UGGT1: variants seen among roughly 807,000 people sequenced by gnomAD.
The protein encoded by UGGT1 is UDP-glucose:glycoprotein glucosyltransferase 1.
A neutral mutation model predicts 203.9 loss-of-function variants in UGGT1; 107 were observed. The ratio of observed to expected loss-of-function variants is 0.52; its 90% confidence interval spans 0.45 to 0.62. The LOEUF (loss-of-function observed/expected upper bound fraction) is 0.62, where lower values mean the gene tolerates loss of function less well. Ranked by LOEUF, UGGT1 falls within the 20% of genes least tolerant of loss-of-function variation. The probability of loss-of-function intolerance (pLI) is 0.00; values close to 1 mark genes in which losing one functional copy is unlikely to be tolerated. For synonymous variants in UGGT1, 628 were observed against 653.5 expected (o/e 0.96, Z 0.59); for missense variants, 1,673 against 1,867.2 (o/e 0.90, Z 1.92).
At chr2:128,117,787 G>C (rs777981262) in intron 8 of UGGT1, among the ~76,000 whole-genome samples, 1 of 151,966 alleles carries the variant, frequency 6.6e-6, no homozygotes, top group Non-Finnish European at 1.5e-5. Context: ...CTGACCTCCT[G>C]GTCCGCCCGC....
At chr2:128,101,814 C>G (rs1207182217) in intron 2 of UGGT1, among the ~76,000 whole-genome samples, 1 of 152,158 alleles carries the variant, frequency 6.6e-6, no homozygotes, top group African/African-American at 2.4e-5. Flanking sequence ...CTCCTAGTTC[C>G]ACATAGAAGG....
rs1325549935 is a variant in UGGT1 at position 128,192,684 on chromosome 2, C to G, written c.*2942C>G. ...CTGCTGCTGGGGGTGTGGGGATATG[C>G]CAGAGTCCTGTGTTTGGTTTTAGAA... On this transcript the variant is annotated 3_prime_UTR_variant, in exon 41 of 41. Transcript: ENST00000259253. 6.6e-6 allele frequency: 1 copy of G among 152,148 alleles called. No homozygotes were observed. Among genetic ancestry groups the G allele is most frequent in the Non-Finnish European group, 1.5e-5 (1 of 68,090 alleles). The allele number at this position is 152,148 out of a possible 1,614,324, so 9.4% of individuals were successfully genotyped here.
intron 28 of UGGT1, 130 bp downstream of exon 28, chr2:128,171,414 A>G (rs1006881991): frequency 1.3e-5 from 11 of 875,966 alleles, no homozygotes; most frequent in East Asian, 2.8e-5. Context: ...CTAAATGTTC[A>G]GTTTTGCCAA....
chr2:128,179,924 T>C, intron 35 of UGGT1, 54 bp downstream of exon 35: 1 of 1,524,070 alleles, frequency 6.6e-7, no homozygotes, highest in Non-Finnish European at 9.0e-7. Flanking sequence ...ATTTACTGTA[T>C]ATTTTTCATG....
intron 2 of UGGT1, among the ~76,000 whole-genome samples, chr2:128,100,791 G>T (rs1369940600): frequency 6.6e-6 from 1 of 152,098 alleles, no homozygotes; most frequent in Non-Finnish European, 1.5e-5. Context: ...TTTCTTGATA[G>T]TTGTACATTC....
In UGGT1 at chr2:128,160,531, G is replaced by A. The variant is rs777846000; in HGVS notation, c.2634G>A (p.Val878=). 7.4e-6 allele frequency: 12 copies of A among 1,613,394 alleles called. No individual in the cohort carries two copies. The highest frequency in any genetic ancestry group is 1.0e-5 in the Non-Finnish European group (12 of 1,179,860). ...SKMDFILSHA[V]YCRDVLKLKK... ...TGGATTTCATTTTGTCTCATGCCGT[G>A]TACTGCAGGGATGTTCTGAAGCTGA... is the stretch of plus-strand genomic sequence containing the variant. The change falls in exon 24 of 41, where the codon GTG becomes GTA. Residue 878 remains valine (V), a synonymous_variant. Coordinates refer to ENST00000259253, the MANE Select transcript of UGGT1 (RefSeq NM_020120.4).
intron 3 of UGGT1, among the ~76,000 whole-genome samples, chr2:128,106,959 A>C (rs1399254823): frequency 6.6e-6 from 1 of 152,174 alleles, no homozygotes; most frequent in Non-Finnish European, 1.5e-5. Flanking sequence ...TTGGGATTAC[A>C]AGCAAGAGCC....
chr2:128,169,435 T>C (rs1039105364), intron 26 of UGGT1, among the ~76,000 whole-genome samples: 24 of 152,270 alleles, frequency 1.6e-4, no homozygotes, highest in African/African-American at 5.8e-4. Context: ...TGACGAAGGA[T>C]GTGGTGAAAT....
At chr2:128,139,340 TC>T in intron 16 of UGGT1, among the ~76,000 whole-genome samples, 1 of 152,316 alleles carries the variant, frequency 6.6e-6, no homozygotes, top group Admixed American at 6.5e-5. Flanking sequence ...CCCATGTCAG[TC>T]CCAAATAGCT....
chr2:128,170,168 C>G (rs1224939911), intron 26 of UGGT1, 120 bp from the exon 27 acceptor site: 2 of 744,640 alleles, frequency 2.7e-6, no homozygotes, highest in Non-Finnish European at 4.5e-6. Flanking sequence ...CTGTCATAGT[C>G]TAGTCTTTCT....
intron 16 of UGGT1, among the ~76,000 whole-genome samples, chr2:128,139,502 C>T (rs1689303837): frequency 6.6e-6 from 1 of 152,098 alleles, no homozygotes; most frequent in African/African-American, 2.4e-5. Flanking sequence ...TGGTACTGTA[C>T]ACAGCTGGTA....
intron 29 of UGGT1, 94 bp from the exon 30 acceptor site, chr2:128,173,687 C>T: frequency 7.3e-7 from 1 of 1,367,216 alleles, no homozygotes. Flanking sequence ...TTATGTAAGT[C>T]CTTTTTGTCT....
At chr2:128,177,738 C>A in intron 32 of UGGT1, 94 bp from the exon 33 acceptor site, 2 of 988,898 alleles carry the variant, frequency 2.0e-6, no homozygotes, top group Non-Finnish European at 2.9e-6. Context: ...TGATAATTCC[C>A]TATTGATGAC....
Position 128,187,547 on chromosome 2 carries a change from C to T in UGGT1, c.4575C>T (p.Ile1525=), listed in dbSNP as rs57084330. The change falls in exon 40 of 41, where the codon ATC becomes ATT. Residue 1525 remains isoleucine (I), a synonymous_variant. Transcript: ENST00000259253. ...ACCAAGAGATCAAACAGCTACAGAT[C>T]CGCTTTCAGAAGGAGAAAGAAACGG... ...DYDQEIKQLQ[I]RFQKEKETGA... 9.2e-4 allele frequency: 1,477 copies of T among 1,614,086 alleles called. 10 individuals carry two copies. In the African/African-American group the frequency reaches 0.014, roughly 16 times the overall value.
At chr2:128,108,204 T>A (rs537237602) in intron 4 of UGGT1, 136 bp downstream of exon 4, 475 of 1,134,656 alleles carry the variant, frequency 4.2e-4, no homozygotes, top group African/African-American at 1.1e-3. Flanking sequence ...TTATGATTTT[T>A]AAAAAAAATA....
chr2:128,175,552 C>T (rs914693412), intron 31 of UGGT1, among the ~76,000 whole-genome samples: 1 of 152,184 alleles, frequency 6.6e-6, no homozygotes, highest in Non-Finnish European at 1.5e-5. Context: ...TTAATTAGCT[C>T]CGTAGCGACA....
intron 15 of UGGT1, among the ~76,000 whole-genome samples, chr2:128,137,869 A>G (rs1431616495): frequency 2.0e-5 from 3 of 152,222 alleles, no homozygotes; most frequent in Non-Finnish European, 4.4e-5. Flanking sequence ...CAGCCCATCT[A>G]TAGATACATA....
intron 6 of UGGT1, among the ~76,000 whole-genome samples, chr2:128,113,589 C>A (rs1178991820): frequency 6.6e-6 from 1 of 151,860 alleles, no homozygotes; most frequent in Non-Finnish European, 1.5e-5. Context: ...AACCTTTTTT[C>A]TTCTGTTTTC....
chr2:128,165,742 CTCAT>C (rs1176591483), intron 26 of UGGT1, among the ~76,000 whole-genome samples: 1 of 151,916 alleles, frequency 6.6e-6, no homozygotes, highest in Non-Finnish European at 1.5e-5. Context: ...AAGTACTTGT[CTCAT>C]TCATCTTTTA....
Sources: gnomAD v4.1 joint callset for allele counts (sites outside exome capture counted in the v4.1 genomes callset) on GRCh38, gnomAD v4.1.1 for gene constraint, MANE v1.5 for transcripts, NCBI Gene and HGNC (gene_info 2026-07-23, HGNC 2026-07-21) for gene names.